Variants in MYO16 observed in about 807,000 individuals in gnomAD.
The protein encoded by MYO16 is unconventional myosin-XVI.
Under a neutral mutation model 205.3 loss-of-function variants are expected in MYO16, and 94 were observed. The observed-to-expected ratio is 0.46, with a 90% CI of 0.39 to 0.54. MYO16 has a LOEUF of 0.54. MYO16 is among the 20% of genes least tolerant of loss of function. The pLI, the probability that MYO16 is intolerant of heterozygous loss-of-function variation, is 0.00. For missense variants in MYO16, 2,315 were observed against 2,387.5 expected (o/e 0.97, Z 0.63); for synonymous variants, 988 against 954.0 (o/e 1.04, Z -0.66).
chr13:108,987,486 GA>G (rs995125906), intron 20 of MYO16, among the ~76,000 whole-genome samples: 1 of 152,206 alleles, frequency 6.6e-6, no homozygotes, highest in African/African-American at 2.4e-5. Context: ...GCCAATTAAG[GA>G]AAGCAAAACT....
chr13:108,995,199 TG>T (rs2139445291), intron 21 of MYO16, among the ~76,000 whole-genome samples: 1 of 152,264 alleles, frequency 6.6e-6, no homozygotes, highest in East Asian at 1.9e-4. Context: ...TGGTGTCTGG[TG>T]AGGGCTCTCT....
Position 109,089,291 on chromosome 13 carries a change from G to A in MYO16, c.3336-11494G>A, listed in dbSNP as rs1335482829. On this transcript the variant is annotated intron_variant, in intron 27 of 34. Transcript: ENST00000457511. ...TGCAGTGGCATGATCTTGACTCACT[G>A]CAGCCTCCACCTCCTGGGTTCCAGC... Among the ~76,000 whole-genome samples the A allele has an allele frequency of 2.6e-5, 4 of 151,904 alleles. No individual in the cohort carries two copies. In the East Asian group the frequency reaches 5.8e-4, roughly 22 times the overall value.
chr13:108,919,477 G>A (rs545743258), intron 16 of MYO16, among the ~76,000 whole-genome samples: 15 of 152,240 alleles, frequency 9.9e-5, no homozygotes, highest in Non-Finnish European at 1.8e-4. Context: ...GGAATTTGGC[G>A]TGAGCGATTG....
intron 14 of MYO16, among the ~76,000 whole-genome samples, chr13:108,893,737 T>C (rs1880279608): frequency 6.6e-6 from 1 of 152,222 alleles, no homozygotes; most frequent in East Asian, 1.9e-4. Context: ...CAGGCCATCA[T>C]GGGGAGTGCT....
intron 2 of MYO16, among the ~76,000 whole-genome samples, chr13:108,707,142 A>C (rs4772986): frequency 0.98 from 149,351 of 152,184 alleles, 73,336 homozygotes; most frequent in East Asian, 1. Flanking sequence ...CAGGCAGAGC[A>C]CACCAAAGCT....
chr13:108,538,273 C>G, the MYO16 span, among the ~76,000 whole-genome samples: 1 of 151,958 alleles, frequency 6.6e-6, no homozygotes, highest in East Asian at 1.9e-4. Context: ...TTAAAGGATA[C>G]AGAGAGTAGA....
chr13:108,826,237 G>A (rs1042226467), intron 9 of MYO16, among the ~76,000 whole-genome samples: 3 of 152,074 alleles, frequency 2.0e-5, no homozygotes, highest in Non-Finnish European at 4.4e-5. Flanking sequence ...TATATCAACA[G>A]AATAGAACTG....
At chr13:109,033,072 A>T (rs1886595459) in intron 23 of MYO16, among the ~76,000 whole-genome samples, 1 of 152,174 alleles carries the variant, frequency 6.6e-6, no homozygotes, top group Non-Finnish European at 1.5e-5. Context: ...TCTCTACACA[A>T]TGCCCCTAAA....
chr13:109,042,464 A>G (rs998876337), intron 23 of MYO16, among the ~76,000 whole-genome samples: 1 of 152,216 alleles, frequency 6.6e-6, no homozygotes, highest in Non-Finnish European at 1.5e-5. Flanking sequence ...GATGTCCCGG[A>G]GGGAATACTT....
chr13:108,880,932 G>T (rs575927269), intron 12 of MYO16, among the ~76,000 whole-genome samples: 16 of 152,142 alleles, frequency 1.1e-4, no homozygotes, highest in African/African-American at 3.6e-4. Context: ...AGATGGCATT[G>T]AATCTATAAA....
intron 23 of MYO16, among the ~76,000 whole-genome samples, chr13:109,034,431 T>A (rs977516497): frequency 2.5e-4 from 38 of 152,242 alleles, no homozygotes; most frequent in African/African-American, 8.9e-4. Context: ...TCTTTCCCCT[T>A]CGCTCAGCAC....
chr13:108,900,263 G>A (rs117468092), intron 15 of MYO16, among the ~76,000 whole-genome samples: 1,857 of 152,240 alleles, frequency 0.012, 16 homozygotes, highest in Middle Eastern at 0.048. Flanking sequence ...GATTAACTGA[G>A]CCTTCTGTTA....
At chr13:108,869,593 T>A (rs1210554597) in intron 12 of MYO16, among the ~76,000 whole-genome samples, 2 of 148,444 alleles carry the variant, frequency 1.3e-5, no homozygotes, top group South Asian at 2.1e-4. Context: ...TAGCCGGGCG[T>A]CGTGGCGGGC....
the MYO16 span, among the ~76,000 whole-genome samples, chr13:108,538,047 C>A: frequency 1.3e-5 from 2 of 151,986 alleles, no homozygotes; most frequent in African/African-American, 4.8e-5. Flanking sequence ...TTCTTGTTGC[C>A]TTTGCTTTGG....
At chr13:109,122,328 G>GA (rs66514370) in intron 29 of MYO16, among the ~76,000 whole-genome samples, 31,492 of 151,982 alleles carry the variant, frequency 0.21, 3,437 homozygotes, top group Admixed American at 0.24. Flanking sequence ...ACCTGGAACA[G>GA]AAAAAATGAA....
At chr13:108,590,297 G>A in the MYO16 span, among the ~76,000 whole-genome samples, 4 of 152,198 alleles carry the variant, frequency 2.6e-5, no homozygotes, top group African/African-American at 9.6e-5. Flanking sequence ...CACTATAATT[G>A]TTTGGGAAGT....
At chr13:108,868,506 A>C (rs572304160) in intron 12 of MYO16, among the ~76,000 whole-genome samples, 1 of 152,324 alleles carries the variant, frequency 6.6e-6, no homozygotes, top group South Asian at 2.1e-4. Flanking sequence ...TTTTTTATTG[A>C]CTTGAAAGAT....
chr13:108,913,878 T>G (rs1244507496), intron 16 of MYO16, among the ~76,000 whole-genome samples: 1 of 152,100 alleles, frequency 6.6e-6, no homozygotes. Context: ...GAGTGTTCAG[T>G]TGTTCAAATA....
At chr13:109,109,107 G>T (rs1055566857) in intron 28 of MYO16, among the ~76,000 whole-genome samples, 2 of 152,076 alleles carry the variant, frequency 1.3e-5, no homozygotes, top group East Asian at 1.9e-4. Flanking sequence ...ATAATATGAG[G>T]CCCCTAACAA....
Sources: gnomAD v4.1 joint callset for allele counts (sites outside exome capture counted in the v4.1 genomes callset) on GRCh38, gnomAD v4.1.1 for gene constraint, MANE v1.5 for transcripts, NCBI Gene and HGNC (gene_info 2026-07-23, HGNC 2026-07-21) for gene names.